The following ZNF43 variants were observed in gnomAD, a reference collection of about 807,000 sequenced individuals.
The protein encoded by ZNF43 is zinc finger protein 43, also known as zinc finger protein 39-like 1 (KOX 27).
A neutral mutation model predicts 68.4 loss-of-function variants in ZNF43; 44 were observed. The observed-to-expected ratio is 0.64, with a 90% CI of 0.51 to 0.83. ZNF43 has a LOEUF of 0.83. Among genes scored for constraint, ZNF43 ranks in the 40% least tolerant of loss-of-function variants. The pLI is 0.00. For synonymous variants in ZNF43, 308 were observed against 307.8 expected, an observed-to-expected ratio of 1.00 and a Z score of -0.01; for missense variants, 896 against 933.2, an observed-to-expected ratio of 0.96 and a Z score of 0.52.
chr19:21,833,710 A>C (rs2038540520), intron 1 of ZNF43, among the ~76,000 whole-genome samples: 1 of 151,920 alleles, frequency 6.6e-6, no homozygotes, highest in Non-Finnish European at 1.5e-5. Flanking sequence ...TTTCGAAAGG[A>C]AAAACTTGAC....
At chr19:21,835,197 C>T in intron 1 of ZNF43, among the ~76,000 whole-genome samples, 1 of 128,544 alleles carries the variant, frequency 7.8e-6, no homozygotes, top group East Asian at 2.4e-4. Flanking sequence ...TGCAGGGAGC[C>T]GAGATAGCAC....
chr19:21,851,061 G>T (rs1478017524), intron 1 of ZNF43: 1 of 152,244 alleles, frequency 6.6e-6, no homozygotes, highest in Non-Finnish European at 1.5e-5. Flanking sequence ...AATGGTTGAC[G>T]GTATTGCAAG....
chr19:21,847,569 T>C (rs746835004), intron 1 of ZNF43, among the ~76,000 whole-genome samples: 1 of 152,048 alleles, frequency 6.6e-6, no homozygotes, highest in Non-Finnish European at 1.5e-5. Context: ...TGGTGGCACA[T>C]GCCTGTAGTC....
chr19:21,838,301 G>C (rs1201464164), upstream of ZNF43, among the ~76,000 whole-genome samples: 1 of 152,014 alleles, frequency 6.6e-6, no homozygotes, highest in Non-Finnish European at 1.5e-5. Flanking sequence ...TCCTTTAGCA[G>C]TGGAAACCTC....
chr19:21,849,515 A>AAAAAGGG (rs1260266835), intron 1 of ZNF43, among the ~76,000 whole-genome samples: 1 of 145,226 alleles, frequency 6.9e-6, no homozygotes, highest in Non-Finnish European at 1.5e-5. Context: ...AAAAAAAAAA[A>AAAAAGGG]GTGGTAATTC....
At position 21,808,786 on chromosome 19, in the gene ZNF43, C is replaced by G. The variant is rs750561465; in HGVS notation, c.1251G>C (p.Lys417Asn). The change falls in exon 4 of 4, where the codon AAG (lysine) becomes AAC (asparagine). Residue 417 changes from lysine (K) to asparagine (N), a missense_variant. By Grantham distance (94) the Lys-to-Asn change is moderately conservative. Transcript: ENST00000354959. ...FKWSSKLTEHKLTHTGEKPYK... is the reference protein window; with the variant it reads ...FKWSSKLTEHNLTHTGEKPYK... ...AGGGTTTCTCTCCAGTATGAGTTAA[C>G]TTATGTTCAGTAAGCTTTGAGGACC... is the stretch of plus-strand genomic sequence containing the variant. 1.9e-6 allele frequency: 3 copies of G among 1,611,622 alleles called. No individual in the cohort carries two copies. The South Asian group carries it at 3.3e-5, about 18-fold the overall frequency.
intron 1 of ZNF43, among the ~76,000 whole-genome samples, chr19:21,849,056 C>A (rs926168573): frequency 2.6e-5 from 4 of 152,176 alleles, no homozygotes; most frequent in Admixed American, 2.6e-4. Flanking sequence ...CAGGACCTCA[C>A]CAGTGGGCTC....
At chr19:21,826,828 CTT>C (rs138471961) in intron 1 of ZNF43, 65,836 of 148,040 alleles carry the variant, frequency 0.44, 16,473 homozygotes, top group African/African-American at 0.69. Flanking sequence ...GAGTGAGACT[CTT>C]TGTCTCCAAA....
At chr19:21,826,959 C>T (rs1447091410) in intron 1 of ZNF43, 2 of 151,308 alleles carry the variant, frequency 1.3e-5, no homozygotes, top group Non-Finnish European at 2.9e-5. Flanking sequence ...ACACCCAAAG[C>T]ATTAGAAAGA....
chr19:21,827,307 T>C (rs966655540), intron 1 of ZNF43: 9 of 152,150 alleles, frequency 5.9e-5, no homozygotes, highest in African/African-American at 1.9e-4. Context: ...CTTGAGTTTA[T>C]TCATATAGTG....
intron 1 of ZNF43, among the ~76,000 whole-genome samples, chr19:21,823,281 T>C (rs745490344): frequency 6.6e-6 from 1 of 152,058 alleles, no homozygotes; most frequent in Non-Finnish European, 1.5e-5. Flanking sequence ...TAAGAAATGG[T>C]AGAAATTAGT....
upstream of ZNF43, chr19:21,840,701 G>A (rs1225421404): frequency 6.6e-6 from 1 of 152,212 alleles, no homozygotes; most frequent in Non-Finnish European, 1.5e-5. Context: ...TTGCATACGA[G>A]TGTCACAATG....
At chr19:21,819,601 G>T (rs2145221424) in intron 1 of ZNF43, among the ~76,000 whole-genome samples, 1 of 152,144 alleles carries the variant, frequency 6.6e-6, no homozygotes, top group East Asian at 1.9e-4. Flanking sequence ...AAAATATTAA[G>T]GTGTACAATA....
intron 3 of ZNF43, among the ~76,000 whole-genome samples, chr19:21,812,950 A>T (rs2037350606): frequency 6.6e-6 from 1 of 151,934 alleles, no homozygotes; most frequent in Non-Finnish European, 1.5e-5. Flanking sequence ...AATAATAATA[A>T]AAAATTACAA....
At chr19:21,813,049 C>T (rs1475608331) in intron 3 of ZNF43, among the ~76,000 whole-genome samples, 5 of 151,888 alleles carry the variant, frequency 3.3e-5, no homozygotes, top group Non-Finnish European at 7.4e-5. Flanking sequence ...TCGAGACCAG[C>T]CTGATCAACA....
At chr19:21,843,882 G>C (rs1967717684) in intron 1 of ZNF43, among the ~76,000 whole-genome samples, 1 of 152,164 alleles carries the variant, frequency 6.6e-6, no homozygotes, top group Non-Finnish European at 1.5e-5. Flanking sequence ...AGTCAATTTT[G>C]CAATTTTCCA....
chr19:21,834,850 T>C (rs528307916), intron 1 of ZNF43, among the ~76,000 whole-genome samples: 2 of 151,596 alleles, frequency 1.3e-5, no homozygotes, highest in Non-Finnish European at 2.9e-5. Context: ...CCAATGATTT[T>C]TCAAAAAATA....
At chr19:21,844,590 A>G (rs1388466150) in intron 1 of ZNF43, among the ~76,000 whole-genome samples, 3 of 151,878 alleles carry the variant, frequency 2.0e-5, no homozygotes, top group Non-Finnish European at 4.4e-5. Flanking sequence ...AGTAATTTGT[A>G]AGCTCAGGCA....
chr19:21,836,615 GTC>G (rs1599530372), upstream of ZNF43, among the ~76,000 whole-genome samples: 1 of 152,274 alleles, frequency 6.6e-6, no homozygotes, highest in Admixed American at 6.5e-5. Flanking sequence ...TTGAGAGGGA[GTC>G]TCTGTTACCC....
Sources: gnomAD v4.1 joint callset for allele counts (sites outside exome capture counted in the v4.1 genomes callset) on GRCh38, gnomAD v4.1.1 for gene constraint, MANE v1.5 for transcripts, NCBI Gene and HGNC (gene_info 2026-07-23, HGNC 2026-07-21) for gene names.